Variants in TBC1D19 observed in about 807,000 individuals in gnomAD.
TBC1D19 encodes the protein TBC1 domain family member 19.
A neutral mutation model predicts 89.0 loss-of-function variants in TBC1D19; 60 were observed. That is an observed-to-expected ratio of 0.67 (90% CI 0.55 to 0.84). The LOEUF (loss-of-function observed/expected upper bound fraction) is 0.84. Ranked by LOEUF, TBC1D19 falls within the 40% of genes least tolerant of loss-of-function variation. The pLI is 0.00. For synonymous variants in TBC1D19, 189 were observed against 199.7 expected (o/e 0.95, Z 0.45); for missense variants, 500 against 610.8 (o/e 0.82, Z 1.91).
intron 7 of TBC1D19, among the ~76,000 whole-genome samples, chr4:26,658,300 C>T (rs1021131941): frequency 6.6e-6 from 1 of 152,202 alleles, no homozygotes; most frequent in Non-Finnish European, 1.5e-5. Context: ...AAGTTTTCTG[C>T]ATATGGCTAG....
At chr4:26,807,531 G>T in the TBC1D19 span, among the ~76,000 whole-genome samples, 1 of 152,086 alleles carries the variant, frequency 6.6e-6, no homozygotes, top group Non-Finnish European at 1.5e-5. Context: ...GGGCTCATTT[G>T]GCAAAGACAA....
At chr4:26,734,881 T>A (rs1345227718) in intron 15 of TBC1D19, among the ~76,000 whole-genome samples, 1 of 128,884 alleles carries the variant, frequency 7.8e-6, no homozygotes, top group African/African-American at 2.5e-5. Context: ...TGTGTGTATA[T>A]GTATACGTAT....
chr4:26,581,220 T>G (rs894745393), upstream of TBC1D19, among the ~76,000 whole-genome samples: 3 of 152,318 alleles, frequency 2.0e-5, no homozygotes, highest in African/African-American at 2.4e-5. Context: ...AAAATTTATT[T>G]ACTATACTCT....
At chr4:26,748,151 G>C (rs898673447) in intron 18 of TBC1D19, among the ~76,000 whole-genome samples, 6 of 152,098 alleles carry the variant, frequency 3.9e-5, no homozygotes, top group Non-Finnish European at 8.8e-5. Flanking sequence ...TGTAGAAATG[G>C]GTTTTATAAA....
intron 7 of TBC1D19, among the ~76,000 whole-genome samples, chr4:26,650,554 G>A (rs1331621701): frequency 6.6e-6 from 1 of 151,886 alleles, no homozygotes; most frequent in Non-Finnish European, 1.5e-5. Context: ...ACTTGTTGAT[G>A]GGGTTGATTG....
At chr4:26,801,800 A>T in the TBC1D19 span, among the ~76,000 whole-genome samples, 1 of 152,186 alleles carries the variant, frequency 6.6e-6, no homozygotes, top group Non-Finnish European at 1.5e-5. Flanking sequence ...CCATGTGACC[A>T]ACGCATATGT....
chr4:26,655,251 A>C (rs1744709152), intron 7 of TBC1D19, among the ~76,000 whole-genome samples: 1 of 152,144 alleles, frequency 6.6e-6, no homozygotes. Context: ...TCAGAGGAGT[A>C]CCCGGCCATG....
intron 13 of TBC1D19, among the ~76,000 whole-genome samples, chr4:26,694,973 A>G (rs1245042469): frequency 6.6e-6 from 1 of 152,232 alleles, no homozygotes; most frequent in Non-Finnish European, 1.5e-5. Flanking sequence ...GAAATTTCTA[A>G]AAGTCAGAGC....
intron 7 of TBC1D19, among the ~76,000 whole-genome samples, chr4:26,651,787 T>C (rs1744407230): frequency 6.6e-6 from 1 of 152,190 alleles, no homozygotes; most frequent in Admixed American, 6.5e-5. Flanking sequence ...CCCTCTCTTG[T>C]GCCAGTTTTC....
Position 26,672,179 on chromosome 4 carries a change from G to A in TBC1D19, c.695G>A (p.Gly232Glu). Residue 232 changes from glycine to glutamate, a missense_variant, in exon 10 of 21, where the codon GGG becomes GAG. Transcript: ENST00000264866. ...TTTGAAAATGAACATGTACGTATTG[G>A]GCAAAAAGGTAAGCTTTTAATTATA... ...ELFENEHVRI[G>E]QKVLAEQDSA... 7.7e-7 allele frequency: 1 copy of A among 1,305,662 alleles called. No homozygotes were observed. Among genetic ancestry groups the A allele is most frequent in the South Asian group, 1.3e-5 (1 of 78,660 alleles). The allele number at this position is 1,305,662 out of a possible 1,614,324, so 80.9% of individuals were successfully genotyped here.
Position 26,641,109 on chromosome 4 carries a change from C to T in TBC1D19, c.480+922C>T, listed in dbSNP as rs377029550. Among the ~76,000 whole-genome samples, 33 of 152,330 alleles carry T rather than the reference C, an allele frequency of 2.2e-4. No individual in the cohort carries two copies. The South Asian group carries it at 6.8e-3, about 32-fold the overall frequency. On this transcript the variant is annotated intron_variant, in intron 7 of 20. Transcript: ENST00000264866. ...GACAGACTGCCTCCTCAAGTGGGTC[C>T]CTGACCCCCGTGTAGCCTAACTTGG...
intron 11 of TBC1D19, among the ~76,000 whole-genome samples, chr4:26,679,718 G>T (rs1290555806): frequency 6.6e-6 from 1 of 152,246 alleles, no homozygotes; most frequent in Non-Finnish European, 1.5e-5. Flanking sequence ...GCAGCTGTGA[G>T]TGGGGCTGTA....
chr4:26,651,002 G>T (rs1309017288), intron 7 of TBC1D19, among the ~76,000 whole-genome samples: 1 of 152,060 alleles, frequency 6.6e-6, no homozygotes, highest in Non-Finnish European at 1.5e-5. Flanking sequence ...TTTTTCTCAG[G>T]TTTGTCAAAG....
intron 7 of TBC1D19, among the ~76,000 whole-genome samples, chr4:26,644,300 T>G (rs1392345484): frequency 2.6e-5 from 4 of 152,022 alleles, no homozygotes; most frequent in African/African-American, 9.7e-5. Flanking sequence ...ATCCATCACA[T>G]AAACAGAACC....
chr4:26,665,841 C>A (rs1230860509), intron 8 of TBC1D19, among the ~76,000 whole-genome samples: 5 of 151,886 alleles, frequency 3.3e-5, no homozygotes, highest in Non-Finnish European at 7.4e-5. Context: ...ATTATCATTC[C>A]TTACCTTACT....
chr4:26,816,700 G>A, the TBC1D19 span, among the ~76,000 whole-genome samples: 1 of 152,146 alleles, frequency 6.6e-6, no homozygotes, highest in Non-Finnish European at 1.5e-5. Flanking sequence ...TACATATTAA[G>A]TTGGTGCAAA....
At chr4:26,831,658 C>T in the TBC1D19 span, among the ~76,000 whole-genome samples, 1 of 146,684 alleles carries the variant, frequency 6.8e-6, no homozygotes. Flanking sequence ...TTTTGGCTTA[C>T]TGCAAGCTCG....
intron 1 of TBC1D19, among the ~76,000 whole-genome samples, chr4:26,590,398 A>C (rs1169030221): frequency 6.6e-6 from 1 of 152,202 alleles, no homozygotes; most frequent in Non-Finnish European, 1.5e-5. Context: ...ATTGGTATGT[A>C]ATTTTCCTTC....
Position 26,584,308 on chromosome 4 carries a change from T to A in TBC1D19, c.99+16T>A, listed in dbSNP as rs374192390. The A allele has an allele frequency of 3.3e-4, 526 of 1,598,678 alleles. No individual in the cohort carries two copies. Among genetic ancestry groups the A allele is most frequent in the Non-Finnish European group, 4.0e-4 (466 of 1,173,044 alleles). Reference sequence around the variant, plus strand: ...GCAGGCCTGGGTAAGTGAGGCCGAGTGGGAAGGGATGCAGACGGGCGGGGC... The same window carrying A: ...GCAGGCCTGGGTAAGTGAGGCCGAGAGGGAAGGGATGCAGACGGGCGGGGC... On this transcript the variant is annotated intron_variant, in intron 1 of 20. Transcript: ENST00000264866.
Sources: gnomAD v4.1 joint callset for allele counts (sites outside exome capture counted in the v4.1 genomes callset) on GRCh38, gnomAD v4.1.1 for gene constraint, MANE v1.5 for transcripts, NCBI Gene and HGNC (gene_info 2026-07-23, HGNC 2026-07-21) for gene names.